MAPK10: variants seen among roughly 807,000 people sequenced by gnomAD.
MAPK10 encodes the protein mitogen-activated protein kinase 10.
In MAPK10, 25 loss-of-function variants were observed where a neutral mutation model predicts 59.3. The observed-to-expected ratio is 0.42, with a 90% CI of 0.31 to 0.59. MAPK10 has a LOEUF of 0.59. MAPK10 is among the 20% of genes least tolerant of loss of function. MAPK10 has a pLI of 0.15. For synonymous variants in MAPK10, 190 were observed against 200.5 expected, an observed-to-expected ratio of 0.95 and a Z score of 0.44; for missense variants, 351 against 568.9, an observed-to-expected ratio of 0.62 and a Z score of 3.90.
intron 1 of MAPK10, among the ~76,000 whole-genome samples, chr4:86,416,672 CA>C: frequency 6.6e-6 from 1 of 152,206 alleles, no homozygotes; most frequent in Non-Finnish European, 1.5e-5. Context: ...GCACCTTCCT[CA>C]TTTGAATTGC....
intron 2 of MAPK10, among the ~76,000 whole-genome samples, chr4:86,279,910 A>C (rs150199418): frequency 6.6e-6 from 1 of 152,208 alleles, no homozygotes; most frequent in Non-Finnish European, 1.5e-5. Context: ...TCTGTGAGCC[A>C]TCATATGCTC....
At chr4:86,176,220 T>A (rs939089485) in intron 3 of MAPK10, 3 of 152,052 alleles carry the variant, frequency 2.0e-5, no homozygotes, top group African/African-American at 7.2e-5. Context: ...ACTTAAGGAG[T>A]TAGTTGATTA....
rs185792726 is a variant in MAPK10 at position 86,391,046 on chromosome 4, T to A, written c.-121-36402A>T. ...ATGTTAGAATATTGTTTAGGAAAGATCCTTTTATTTTCTCCATATTTGTAC... is the reference window on the plus strand; with the variant it reads ...ATGTTAGAATATTGTTTAGGAAAGAACCTTTTATTTTCTCCATATTTGTAC... On this transcript the variant is annotated intron_variant, in intron 1 of 13. Transcript: ENST00000361569. 2.6e-5 allele frequency among the ~76,000 whole-genome samples: 4 copies of A among 152,330 alleles called. No individual in the cohort carries two copies. In the East Asian group the frequency reaches 5.8e-4, roughly 22 times the overall value.
At chr4:86,544,296 C>T (rs1207501952) in intron 1 of MAPK10, among the ~76,000 whole-genome samples, 11 of 152,104 alleles carry the variant, frequency 7.2e-5, no homozygotes. Flanking sequence ...ATAAAAGTCC[C>T]TCAAATTAAA....
intron 1 of MAPK10, among the ~76,000 whole-genome samples, chr4:86,459,266 G>A (rs529873148): frequency 1.1e-4 from 17 of 152,302 alleles, no homozygotes; most frequent in Admixed American, 2.0e-4. Flanking sequence ...AGATGCTGGC[G>A]TGGATGCAGT....
At chr4:86,292,003 C>T (rs1285523202) in intron 2 of MAPK10, among the ~76,000 whole-genome samples, 1 of 152,108 alleles carries the variant, frequency 6.6e-6, no homozygotes, top group Non-Finnish European at 1.5e-5. Context: ...TCTTTCTGAG[C>T]CAGTTTTATT....
At chr4:86,077,662 C>T (rs912376400) in intron 9 of MAPK10, among the ~76,000 whole-genome samples, 14 of 152,134 alleles carry the variant, frequency 9.2e-5, no homozygotes, top group Non-Finnish European at 2.1e-4. Flanking sequence ...TTGCTTTGTA[C>T]TCTGCTCTAG....
Position 86,195,711 on chromosome 4 carries a change from T to A in MAPK10, c.-6-1304A>T, listed in dbSNP as rs182368162. Among the ~76,000 whole-genome samples, 458 of 152,276 alleles carry A rather than the reference T, an allele frequency of 3.0e-3. 2 individuals are homozygous for A. Among genetic ancestry groups the A allele is most frequent in the African/African-American group, 0.011 (446 of 41,564 alleles). On this transcript the variant is annotated intron_variant, in intron 2 of 13. Coordinates refer to ENST00000641462, the MANE Select transcript of MAPK10 (RefSeq NM_138982.4). ...ACATTAGGTATTTCTCTGAATGCTA[T>A]CCCTCCCCTAGGCCCCCACCCTGAC...
intron 1 of MAPK10, among the ~76,000 whole-genome samples, chr4:86,428,535 T>C (rs1445018564): frequency 6.6e-6 from 1 of 152,132 alleles, no homozygotes; most frequent in Admixed American, 6.6e-5. Flanking sequence ...GACTAGAATC[T>C]TCTGTTTTGG....
At position 86,012,837 on chromosome 4, in the gene MAPK10, T is replaced by C. The variant is rs150118615; in HGVS notation, c.*4391A>G. ...GTTGATCTAGAACTGTAAGGGTGCA[T>C]GTGAATGTGGGTATGCATGTGTGTG... On this transcript the variant is annotated 3_prime_UTR_variant, in exon 14 of 14. Coordinates refer to ENST00000641462, the MANE Select transcript of MAPK10 (RefSeq NM_138982.4). 1.5e-4 allele frequency: 23 copies of C among 152,296 alleles called. No individual in the cohort carries two copies. The highest frequency in any genetic ancestry group is 5.1e-4 in the African/African-American group (21 of 41,562). 9.4% of individuals were successfully genotyped at this position (152,296 alleles called of 1,614,324 possible).
intron 11 of MAPK10, 195 bp from the exon 12 acceptor site, chr4:86,031,626 G>T (rs1178777093): frequency 6.0e-6 from 3 of 503,696 alleles, no homozygotes; most frequent in Non-Finnish European, 7.0e-6. Context: ...TGCAATATTT[G>T]CTGCTGACCC....
chr4:86,124,194 G>A (rs1390151817), intron 4 of MAPK10: 2 of 151,900 alleles, frequency 1.3e-5, no homozygotes, highest in Non-Finnish European at 2.9e-5. Context: ...GTATGGAGTA[G>A]AAATGGACTC....
intron 2 of MAPK10, among the ~76,000 whole-genome samples, chr4:86,336,814 GGA>G (rs1721719033): frequency 8.8e-6 from 1 of 113,944 alleles, no homozygotes; most frequent in Non-Finnish European, 1.7e-5. Context: ...TTTTTGAGAC[GGA>G]GTCTTGCACT....
In MAPK10 at chr4:86,017,330, C is replaced by G; in HGVS notation, c.1293G>C (p.Ser431=). ...VNSSESLPPS[S]SVNDISSMST... The stretch of plus-strand genomic sequence containing the variant: ...ACATGGAGGAGATGTCATTGACAGA[C>G]GAGGATGGAGGGAGACTCTCACTGC... Residue 431 remains serine, a synonymous_variant, in exon 14 of 14, where the codon TCG becomes TCC. Transcript: ENST00000641462. This position sits in a 1 kb window ranked among gnomAD's most constrained non-coding sequence, Gnocchi z 4.4. 5 of 1,614,086 alleles carry G rather than the reference C, an allele frequency of 3.1e-6. No individual in the cohort carries two copies. Among genetic ancestry groups the G allele is most frequent in the African/African-American group, 1.3e-5 (1 of 75,012 alleles).
Position 86,472,335 on chromosome 4 carries a change from G to A in MAPK10, c.-262-117691C>T, listed in dbSNP as rs564887789. Among the ~76,000 whole-genome samples, 18 of 152,214 alleles carry A rather than the reference G, an allele frequency of 1.2e-4. No individual in the cohort carries two copies. The East Asian group carries it at 3.5e-3, about 29-fold the overall frequency. ...TCTTGTTAAGAGATCTTCAAATACC[G>A]ATGTGAATAATTATCCATTTGTGAA... On this transcript the variant is annotated intron_variant, in intron 1 of 4. Coordinates refer to the MAPK10 transcript ENST00000502302.
At chr4:86,123,873 C>T (rs974735811) in intron 4 of MAPK10, 5 of 151,972 alleles carry the variant, frequency 3.3e-5, no homozygotes, top group Admixed American at 1.3e-4. Flanking sequence ...GCTGCCTCTA[C>T]TAGCAGAAAA....
chr4:86,538,797 C>T (rs72665740), intron 1 of MAPK10, among the ~76,000 whole-genome samples: 47,882 of 151,926 alleles, frequency 0.32, 7,782 homozygotes, highest in Admixed American at 0.36. Flanking sequence ...GCTTATATAT[C>T]TAATATTCTT....
At chr4:86,149,284 T>A (rs1041117172) in intron 4 of MAPK10, among the ~76,000 whole-genome samples, 16 of 152,204 alleles carry the variant, frequency 1.1e-4, no homozygotes, top group African/African-American at 2.9e-4. Context: ...TTATTTATTT[T>A]TTGATGGAGT....
chr4:86,365,683 A>G (rs757154538), intron 1 of MAPK10, among the ~76,000 whole-genome samples: 1 of 152,120 alleles, frequency 6.6e-6, no homozygotes, highest in Non-Finnish European at 1.5e-5. Context: ...TGTGATATAT[A>G]CAATATTAAA....
Sources: allele counts gnomAD v4.1 joint callset (sites outside exome capture counted in the v4.1 genomes callset), GRCh38; gene constraint gnomAD v4.1.1; non-coding constraint Gnocchi (gnomAD v3.1); transcripts MANE v1.5; gene names NCBI Gene and HGNC (gene_info 2026-07-23, HGNC 2026-07-21).